The following HELQ variants were observed in gnomAD, a reference collection of about 807,000 sequenced individuals.
HELQ encodes helicase POLQ-like.
Under a neutral mutation model 111.6 loss-of-function variants are expected in HELQ, and 77 were observed. The observed-to-expected ratio is 0.69, with a 90% CI of 0.57 to 0.83. HELQ has a LOEUF of 0.83. Ranked by LOEUF, HELQ falls within the 40% of genes least tolerant of loss-of-function variation. HELQ has a pLI of 0.00. For missense variants in HELQ, 1,200 were observed against 1,288.5 expected, an observed-to-expected ratio of 0.93 and a Z score of 1.05; for synonymous variants, 438 against 454.7, an observed-to-expected ratio of 0.96 and a Z score of 0.47.
At chr4:83,433,108 T>C (rs990542493) in intron 9 of HELQ, among the ~76,000 whole-genome samples, 3 of 151,980 alleles carry the variant, frequency 2.0e-5, no homozygotes, top group African/African-American at 7.3e-5. Context: ...CAGAAGTCTA[T>C]AGTCAGTTAG....
chr4:83,431,562 A>G, intron 11 of HELQ, 102 bp downstream of exon 11: 1 of 413,718 alleles, frequency 2.4e-6, no homozygotes, highest in Non-Finnish European at 4.3e-6. Context: ...ATAAAAAATT[A>G]GTATAAAATC....
chr4:83,435,658 TTAAATAC>T, intron 9 of HELQ, among the ~76,000 whole-genome samples: 1 of 152,000 alleles, frequency 6.6e-6, no homozygotes, highest in Non-Finnish European at 1.5e-5. Flanking sequence ...ACAGGTAAGT[TTAAATAC>T]TACATAAGAT....
At chr4:83,423,878 T>C (rs1205819427) in intron 14 of HELQ, among the ~76,000 whole-genome samples, 2 of 151,680 alleles carry the variant, frequency 1.3e-5, no homozygotes, top group Non-Finnish European at 2.9e-5. Flanking sequence ...GCCATTGCAC[T>C]GCAGCCTGGA....
intron 2 of HELQ, 34 bp downstream of exon 2, chr4:83,453,196 GA>G: frequency 7.2e-7 from 1 of 1,383,484 alleles, no homozygotes; most frequent in Non-Finnish European, 1.0e-6. Flanking sequence ...GTAATGATAG[GA>G]AAAAAATTTT....
At chr4:83,448,065 C>A (rs146851186) in intron 3 of HELQ, among the ~76,000 whole-genome samples, 4 of 151,678 alleles carry the variant, frequency 2.6e-5, no homozygotes, top group Admixed American at 2.0e-4. Flanking sequence ...CAAAAATTAG[C>A]CAGGCATGGT....
chr4:83,449,306 C>G (rs1169213588), intron 2 of HELQ, among the ~76,000 whole-genome samples: 1 of 152,154 alleles, frequency 6.6e-6, no homozygotes, highest in African/African-American at 2.4e-5. Context: ...TGTGTGAATT[C>G]GAATGTCTTC....
chr4:83,429,806 G>T, intron 11 of HELQ, 60 bp from the exon 12 acceptor site: 1 of 1,003,946 alleles, frequency 1.0e-6, no homozygotes, highest in Non-Finnish European at 1.5e-6. Context: ...CACCTTGAAT[G>T]CATATTAATC....
At chr4:83,425,403 C>T (rs564912596) in intron 14 of HELQ, among the ~76,000 whole-genome samples, 2 of 151,458 alleles carry the variant, frequency 1.3e-5, no homozygotes, top group South Asian at 2.1e-4. Context: ...AAATAACATT[C>T]TCTTAAGGAA....
rs751615493 is a variant in HELQ at position 83,425,952 on chromosome 4, T to G, written c.2775+42A>C. 7.1e-5 allele frequency: 73 copies of G among 1,024,720 alleles called. No homozygotes were observed. The Admixed American group carries it at 1.3e-3, about 19-fold the overall frequency. The allele number at this position is 1,024,720 out of a possible 1,614,324, so 63.5% of individuals were successfully genotyped here. A position where few individuals can be genotyped will look rare whatever the true frequency, so the allele number is the denominator to read the frequency against. ...TGAACTTAGTGAGTGAACTAAGTGTTGAGTGAACTTATTATTTAGGAAGAA... is the reference window on the plus strand; with the variant it reads ...TGAACTTAGTGAGTGAACTAAGTGTGGAGTGAACTTATTATTTAGGAAGAA... On this transcript the variant is annotated intron_variant, in intron 14 of 17. Coordinates refer to ENST00000295488, the MANE Select transcript of HELQ (RefSeq NM_133636.5).
At chr4:83,440,725 T>C (rs1265026359) in intron 7 of HELQ, among the ~76,000 whole-genome samples, 1 of 151,998 alleles carries the variant, frequency 6.6e-6, no homozygotes, top group East Asian at 1.9e-4. Context: ...TATTCTTTTG[T>C]TGTTGTTGTT....
chr4:83,425,182 A>G (rs1719780596), intron 14 of HELQ, among the ~76,000 whole-genome samples: 1 of 150,918 alleles, frequency 6.6e-6, no homozygotes, highest in African/African-American at 2.4e-5. Context: ...CAGGAGGCTG[A>G]GGCAGGAGAA....
chr4:83,441,597 TA>T (rs1257790046), intron 6 of HELQ, among the ~76,000 whole-genome samples, 194 bp from the exon 7 acceptor site: 1 of 152,166 alleles, frequency 6.6e-6, no homozygotes, highest in Non-Finnish European at 1.5e-5. Flanking sequence ...CTTTTTCCCT[TA>T]AAATCAAAAT....
chr4:83,430,999 C>T (rs1720112834), intron 11 of HELQ, among the ~76,000 whole-genome samples: 1 of 152,098 alleles, frequency 6.6e-6, no homozygotes, highest in Non-Finnish European at 1.5e-5. Context: ...CTGGGCCAGC[C>T]TCTGCTTCTG....
intron 2 of HELQ, among the ~76,000 whole-genome samples, chr4:83,452,505 T>C (rs1421458589): frequency 3.3e-5 from 5 of 152,102 alleles, no homozygotes; most frequent in African/African-American, 1.2e-4. Flanking sequence ...AGATGTTTGG[T>C]TTAATCAACA....
intron 2 of HELQ, among the ~76,000 whole-genome samples, 156 bp from the exon 3 acceptor site, chr4:83,449,117 T>C (rs949498807): frequency 1.3e-5 from 2 of 152,164 alleles, no homozygotes; most frequent in African/African-American, 4.8e-5. Flanking sequence ...AAATCCCAAA[T>C]GTGCAAGTAG....
Position 83,441,404 on chromosome 4 carries a change from C to A in HELQ, c.1564-1G>T. ...TTTTCAGATATTCTTTTAACTCAAC[C>A]TTGAATTAAAAGGACATTTGCAATT... On this transcript the variant is annotated splice_acceptor_variant, in intron 6 of 17. Transcript: ENST00000295488. LOFTEE classifies it high-confidence loss of function. 7.1e-7 allele frequency: 1 copy of A among 1,404,898 alleles called. No individual in the cohort carries two copies. Among genetic ancestry groups the A allele is most frequent in the Non-Finnish European group, 1.0e-6 (1 of 1,000,480 alleles). The allele number at this position is 1,404,898 out of a possible 1,614,324, so 87.0% of individuals were successfully genotyped here.
intron 17 of HELQ, among the ~76,000 whole-genome samples, chr4:83,415,946 C>T: frequency 7.4e-6 from 1 of 135,102 alleles, no homozygotes; most frequent in South Asian, 2.3e-4. Context: ...CGAACCCAGC[C>T]ATTTTTTTTT....
At chr4:83,449,471 G>A (rs1036921077) in intron 2 of HELQ, among the ~76,000 whole-genome samples, 1 of 152,136 alleles carries the variant, frequency 6.6e-6, no homozygotes. Flanking sequence ...CCTGAACTTC[G>A]AATGGGTCCA....
chr4:83,447,278 T>C (rs1372375022), intron 3 of HELQ, among the ~76,000 whole-genome samples: 2 of 152,040 alleles, frequency 1.3e-5, no homozygotes, highest in Admixed American at 6.6e-5. Flanking sequence ...GTCCAGAGAA[T>C]TGAGGCTGCA....
Sources: gnomAD v4.1 joint callset for allele counts (sites outside exome capture counted in the v4.1 genomes callset) on GRCh38, gnomAD v4.1.1 for gene constraint, MANE v1.5 for transcripts, NCBI Gene and HGNC (gene_info 2026-07-23, HGNC 2026-07-21) for gene names.